UBR3: variants seen among roughly 807,000 people sequenced by gnomAD.
The protein encoded by UBR3 is E3 ubiquitin-protein ligase UBR3.
In UBR3, 85 loss-of-function variants were observed where a neutral mutation model predicts 243.2. That is an observed-to-expected ratio of 0.35 (90% CI 0.29 to 0.42). The LOEUF is 0.42. Among genes scored for constraint, UBR3 ranks in the 10% least tolerant of loss-of-function variants. The probability of loss-of-function intolerance (pLI) is 1.00; values close to 1 mark genes in which losing one functional copy is unlikely to be tolerated. For synonymous variants in UBR3, 748 were observed against 799.8 expected (o/e 0.94, Z 1.09); for missense variants, 1,686 against 2,300.8 (o/e 0.73, Z 5.47).
intron 32 of UBR3, among the ~76,000 whole-genome samples, chr2:170,051,821 G>A (rs1347227612): frequency 1.3e-5 from 2 of 152,022 alleles, no homozygotes; most frequent in African/African-American, 4.8e-5. Flanking sequence ...ATTAAATGAT[G>A]GAATATTTTT....
intron 5 of UBR3, among the ~76,000 whole-genome samples, chr2:169,881,875 A>C (rs1314895611): frequency 1.5e-5 from 2 of 134,116 alleles, no homozygotes; most frequent in African/African-American, 2.7e-5. Context: ...ATGTATACAT[A>C]TAGGTATATG....
intron 1 of UBR3, 21 bp from the exon 2 acceptor site, chr2:169,872,215 T>G: frequency 6.8e-7 from 1 of 1,461,566 alleles, no homozygotes. Context: ...ACTGTTAATT[T>G]TTTTCTTTTT....
chr2:169,828,140 G>A, intron 1 of UBR3, 88 bp downstream of exon 1: 3 of 1,299,938 alleles, frequency 2.3e-6, no homozygotes, highest in African/African-American at 1.6e-5. Context: ...AGCCCACTCT[G>A]AGCTGTCAAG....
chr2:169,974,315 G>C (rs1305162825), intron 24 of UBR3, among the ~76,000 whole-genome samples: 1 of 152,030 alleles, frequency 6.6e-6, no homozygotes, highest in Non-Finnish European at 1.5e-5. Flanking sequence ...TTTGATGGGA[G>C]ACTTTTTATT....
At chr2:169,924,421 A>G (rs953607018) in intron 13 of UBR3, among the ~76,000 whole-genome samples, 1 of 152,164 alleles carries the variant, frequency 6.6e-6, no homozygotes, top group Non-Finnish European at 1.5e-5. Context: ...AACATACTAT[A>G]TAGCACTGTT....
At chr2:170,019,724 C>G (rs2090338634) in intron 30 of UBR3, among the ~76,000 whole-genome samples, 1 of 152,082 alleles carries the variant, frequency 6.6e-6, no homozygotes, top group South Asian at 2.1e-4. Flanking sequence ...ATTAATTTCT[C>G]CCTACAGTTA....
At chr2:169,930,955 A>G (rs758684673) in intron 18 of UBR3, among the ~76,000 whole-genome samples, 15 of 152,184 alleles carry the variant, frequency 9.9e-5, no homozygotes, top group Non-Finnish European at 1.9e-4. Context: ...TTTGAAGCCC[A>G]CTGGACTAAT....
At chr2:170,001,172 A>G in intron 26 of UBR3, 132 bp from the exon 27 acceptor site, 3 of 631,004 alleles carry the variant, frequency 4.8e-6, no homozygotes, top group Non-Finnish European at 5.3e-6. Flanking sequence ...ATTAATTGAT[A>G]TCACAAGAAT....
chr2:169,856,418 T>A (rs1559025919), intron 1 of UBR3, among the ~76,000 whole-genome samples: 1 of 152,036 alleles, frequency 6.6e-6, no homozygotes. Flanking sequence ...GCTCCTCACT[T>A]CTTAGACGGG....
intron 24 of UBR3, among the ~76,000 whole-genome samples, chr2:169,970,996 G>T (rs2105376106): frequency 1.4e-5 from 2 of 143,906 alleles, no homozygotes; most frequent in South Asian, 4.6e-4. Context: ...GTTGTTTTCT[G>T]ACTTTTTAAT....
chr2:169,864,626 G>A (rs536531662), intron 1 of UBR3, among the ~76,000 whole-genome samples: 3 of 151,720 alleles, frequency 2.0e-5, no homozygotes, highest in Admixed American at 6.6e-5. Flanking sequence ...AAAGAAGGCC[G>A]GGCGCGGTGG....
At position 170,073,538 on chromosome 2, in the gene UBR3, A is replaced by C. The variant is rs528593570; in HGVS notation, c.5130A>C (p.Ala1710=). ...SASCLDWPVP[A]FDIITQWCFE... ...CCTGTCTGGATTGGCCAGTTCCAGC[A>C]TTTGATATTATAACTCAGTGGTGTT... The change falls in exon 36 of 39, where the codon GCA becomes GCC. Residue 1710 remains alanine, a synonymous_variant. Coordinates refer to ENST00000272793, the MANE Select transcript of UBR3 (RefSeq NM_172070.4). 6.2e-7 allele frequency: 1 copy of C among 1,613,776 alleles called. No individual in the cohort carries two copies. Among genetic ancestry groups the C allele is most frequent in the African/African-American group, 1.3e-5 (1 of 75,018 alleles).
At chr2:170,006,041 CA>C (rs2089900397) in intron 27 of UBR3, among the ~76,000 whole-genome samples, 1 of 151,774 alleles carries the variant, frequency 6.6e-6, no homozygotes, top group Admixed American at 6.6e-5. Context: ...TCAGTTACAG[CA>C]AAAAAGAGTA....
chr2:169,833,784 AT>A (rs746428736), intron 1 of UBR3, among the ~76,000 whole-genome samples: 658 of 143,848 alleles, frequency 4.6e-3, no homozygotes, highest in Non-Finnish European at 4.0e-3. Flanking sequence ...GCATTTCTAG[AT>A]TTTTTTTTTT....
rs573960574 is a variant in UBR3 at position 169,891,095 on chromosome 2, T to C, written c.1039-70T>C. 1.4e-5 allele frequency: 17 copies of C among 1,209,460 alleles called. No individual in the cohort carries two copies. In the African/African-American group the frequency reaches 2.4e-4, roughly 17 times the overall value. 74.9% of individuals were successfully genotyped at this position (1,209,460 alleles called of 1,614,324 possible). A position where few individuals can be genotyped will look rare whatever the true frequency, so the allele number is the denominator to read the frequency against. On this transcript the variant is annotated intron_variant, in intron 5 of 38. Transcript: ENST00000272793. ...TATATTATGTGTTTAATGTAATTTGTAAGCACATTTATAAAGTGTATCAAT... is the reference window on the plus strand; with the variant it reads ...TATATTATGTGTTTAATGTAATTTGCAAGCACATTTATAAAGTGTATCAAT...
At chr2:169,953,757 T>C (rs1023389332) in intron 23 of UBR3, among the ~76,000 whole-genome samples, 1 of 152,238 alleles carries the variant, frequency 6.6e-6, no homozygotes, top group South Asian at 2.1e-4. Flanking sequence ...TCTATGGACA[T>C]ATGTATTCTA....
Position 169,905,200 on chromosome 2 carries a change from A to G in UBR3, c.1552A>G (p.Ile518Val), listed in dbSNP as rs1271460769. The G allele has an allele frequency of 6.5e-7, 1 of 1,542,440 alleles. No homozygotes were observed. Among genetic ancestry groups the G allele is most frequent in the Non-Finnish European group, 8.8e-7 (1 of 1,142,812 alleles). Residue 518 changes from isoleucine to valine, a missense_variant, in exon 9 of 39, where the codon ATT becomes GTT. Transcript: ENST00000272793. ...TTACTGGCCTCTTGTTAGTGATTTT[A>G]TTAATATTCTTTCTCATCAAAGTGT... is the stretch of plus-strand genomic sequence containing the variant. ...NTYWPLVSDF[I>V]NILSHQSVAK... is the part of the protein sequence containing the mutation.
chr2:169,960,501 A>C (rs986976946), intron 24 of UBR3, among the ~76,000 whole-genome samples: 2 of 152,138 alleles, frequency 1.3e-5, no homozygotes, highest in Non-Finnish European at 2.9e-5. Flanking sequence ...ATCATATGAA[A>C]GAAGAGGGTT....
intron 31 of UBR3, among the ~76,000 whole-genome samples, chr2:170,032,822 G>A (rs192687821): frequency 6.6e-6 from 1 of 151,916 alleles, no homozygotes; most frequent in East Asian, 1.9e-4. Context: ...TATGTGCCAA[G>A]TTTCTGCACT....
Sources: allele counts gnomAD v4.1 joint callset (sites outside exome capture counted in the v4.1 genomes callset), GRCh38; gene constraint gnomAD v4.1.1; transcripts MANE v1.5; gene names NCBI Gene and HGNC (gene_info 2026-07-23, HGNC 2026-07-21).